EPHB1: variants seen among roughly 807,000 people sequenced by gnomAD.
EPHB1 encodes ephrin type-B receptor 1.
Under a neutral mutation model 94.4 loss-of-function variants are expected in EPHB1, and 30 were observed. The ratio of observed to expected loss-of-function variants is 0.32; its 90% CI spans 0.24 to 0.43. EPHB1 has a LOEUF of 0.43. EPHB1 is among the 20% of genes least tolerant of loss of function. EPHB1 has a pLI of 1.00. For synonymous variants in EPHB1, 522 were observed against 489.1 expected, an observed-to-expected ratio of 1.07 and a Z score of -0.89; for missense variants, 1,055 against 1,308.3, an observed-to-expected ratio of 0.81 and a Z score of 2.99.
intron 12 of EPHB1, among the ~76,000 whole-genome samples, chr3:135,229,910 G>A (rs1943491889): frequency 6.6e-6 from 1 of 152,214 alleles, no homozygotes; most frequent in Admixed American, 6.5e-5. Flanking sequence ...GGTTGTTGGG[G>A]AGACACATGC....
At chr3:135,178,380 C>T (rs1942052825) in intron 9 of EPHB1, among the ~76,000 whole-genome samples, 1 of 148,892 alleles carries the variant, frequency 6.7e-6, no homozygotes, top group African/African-American at 2.5e-5. Flanking sequence ...CGCTTGAACC[C>T]AGGAGGTGAA....
At chr3:134,899,906 A>G (rs1414594600) in intron 1 of EPHB1, among the ~76,000 whole-genome samples, 23 of 152,222 alleles carry the variant, frequency 1.5e-4, no homozygotes, top group Non-Finnish European at 2.9e-5. Context: ...AGTCATGACT[A>G]TACCTGGTGA....
intron 3 of EPHB1, 88 bp from the exon 4 acceptor site, chr3:135,106,360 A>G: frequency 6.8e-7 from 1 of 1,470,634 alleles, no homozygotes; most frequent in Non-Finnish European, 9.4e-7. Flanking sequence ...TTCTTTTTAG[A>G]GAGGAAGACA....
chr3:134,935,176 A>C (rs1478176820), intron 2 of EPHB1, among the ~76,000 whole-genome samples: 1 of 152,234 alleles, frequency 6.6e-6, no homozygotes, highest in African/African-American at 2.4e-5. Flanking sequence ...GAGGAGGGTC[A>C]GCATTGCCCT....
intron 13 of EPHB1, among the ~76,000 whole-genome samples, chr3:135,247,171 A>G (rs1196244720): frequency 1.3e-5 from 2 of 152,236 alleles, no homozygotes; most frequent in African/African-American, 2.4e-5. Context: ...AAAGAGAAAC[A>G]CATGAAAAAT....
chr3:135,049,134 G>A (rs1937093649), intron 3 of EPHB1, among the ~76,000 whole-genome samples: 2 of 152,186 alleles, frequency 1.3e-5, no homozygotes, highest in South Asian at 2.1e-4. Context: ...CATTGAGCAG[G>A]TGAGTTAGAG....
At chr3:135,031,346 G>C (rs923063926) in intron 3 of EPHB1, among the ~76,000 whole-genome samples, 5 of 152,070 alleles carry the variant, frequency 3.3e-5, no homozygotes, top group Non-Finnish European at 7.4e-5. Flanking sequence ...GTCTCACTCT[G>C]TAGCCTTGTC....
intron 3 of EPHB1, among the ~76,000 whole-genome samples, chr3:135,000,427 A>G (rs746105779): frequency 3.3e-5 from 5 of 152,232 alleles, no homozygotes; most frequent in Non-Finnish European, 5.9e-5. Context: ...GTCCATTTAA[A>G]TGAGAGGCAG....
chr3:134,860,926 C>T (rs1240859420), intron 1 of EPHB1, among the ~76,000 whole-genome samples: 2 of 151,714 alleles, frequency 1.3e-5, no homozygotes, highest in African/African-American at 2.4e-5. Context: ...AGTAGTACTA[C>T]AAAGTTCACT....
At chr3:134,928,020 A>G (rs911500065) in intron 2 of EPHB1, among the ~76,000 whole-genome samples, 4 of 152,198 alleles carry the variant, frequency 2.6e-5, no homozygotes, top group Admixed American at 6.5e-5. Context: ...TTCTGTGAAC[A>G]CACCAGTGAC....
At chr3:134,798,124 T>C (rs753134208) in intron 1 of EPHB1, among the ~76,000 whole-genome samples, 30 of 152,316 alleles carry the variant, frequency 2.0e-4, no homozygotes, top group South Asian at 6.2e-4. Flanking sequence ...CTCTCCCTGC[T>C]GATTTCAGAC....
chr3:134,989,840 A>G (rs1411550582), intron 3 of EPHB1, among the ~76,000 whole-genome samples: 4 of 152,328 alleles, frequency 2.6e-5, no homozygotes, highest in African/African-American at 9.6e-5. Context: ...AATGAGATTT[A>G]AATCACTATT....
chr3:134,998,027 G>C (rs1212283059), intron 3 of EPHB1, among the ~76,000 whole-genome samples: 1 of 152,178 alleles, frequency 6.6e-6, no homozygotes, highest in Non-Finnish European at 1.5e-5. Context: ...ACCAGCTGTG[G>C]AGGAGATCAA....
rs375102539 is a variant in EPHB1 at position 135,192,707 on chromosome 3, A to G, written c.2014A>G (p.Met672Val). The G allele has an allele frequency of 9.3e-6, 15 of 1,614,188 alleles. No homozygotes were observed. The Admixed American group carries it at 1.7e-4, about 18-fold the overall frequency. ...RRDFLSEASI[M>V]GQFDHPNIIR... The stretch of plus-strand genomic sequence containing the variant: ...GGACTTTCTGAGTGAGGCGAGCATC[A>G]TGGGCCAGTTCGACCATCCTAACAT... The change falls in exon 11 of 16, where the codon ATG (methionine) becomes GTG (valine). Residue 672 changes from methionine (M) to valine (V), a missense_variant. By Grantham distance (21) the Met-to-Val change is conservative. Transcript: ENST00000398015.
chr3:135,103,079 A>T (rs2107797492), intron 3 of EPHB1, among the ~76,000 whole-genome samples: 2 of 152,260 alleles, frequency 1.3e-5, no homozygotes, highest in East Asian at 3.9e-4. Flanking sequence ...CCACAATGGC[A>T]CATGTATCCC....
chr3:135,113,887 C>T (rs1011177405), intron 4 of EPHB1, among the ~76,000 whole-genome samples: 3 of 152,216 alleles, frequency 2.0e-5, no homozygotes, highest in East Asian at 1.9e-4. Flanking sequence ...TCACATTTAT[C>T]GATAAGGCTC....
At chr3:135,191,944 T>C (rs1942466917) in intron 10 of EPHB1, among the ~76,000 whole-genome samples, 1 of 152,218 alleles carries the variant, frequency 6.6e-6, no homozygotes, top group African/African-American at 2.4e-5. Context: ...AACTCTGCTC[T>C]GGCTCTCCCT....
intron 10 of EPHB1, among the ~76,000 whole-genome samples, chr3:135,191,614 C>T (rs991248624): frequency 2.0e-5 from 3 of 151,686 alleles, no homozygotes; most frequent in Admixed American, 1.3e-4. Context: ...CTTTTGAAAG[C>T]ATGTTAAACA....
intron 1 of EPHB1, among the ~76,000 whole-genome samples, chr3:134,916,419 C>T (rs545372989): frequency 8.7e-4 from 133 of 152,264 alleles, no homozygotes; most frequent in Admixed American, 1.6e-3. Context: ...GGTGCTCGTC[C>T]GGGAGGCTCA....
Sources: gnomAD v4.1 joint callset for allele counts (sites outside exome capture counted in the v4.1 genomes callset) on GRCh38, gnomAD v4.1.1 for gene constraint, MANE v1.5 for transcripts, NCBI Gene and HGNC (gene_info 2026-07-23, HGNC 2026-07-21) for gene names.